FHL2: variants seen among roughly 807,000 people sequenced by gnomAD.
FHL2 encodes four and a half LIM domains protein 2.
A neutral mutation model predicts 32.7 loss-of-function variants in FHL2; 20 were observed. That is an observed-to-expected ratio of 0.61 (90% CI 0.43 to 0.89). FHL2 has a LOEUF of 0.89. Among genes scored for constraint, FHL2 ranks in the 40% least tolerant of loss-of-function variants. FHL2 has a pLI of 0.00. For synonymous variants in FHL2, 123 were observed against 128.1 expected (o/e 0.96, Z 0.27); for missense variants, 311 against 358.6 (o/e 0.87, Z 1.07).
chr2:105,431,527 C>G (rs1270585129), intron 1 of FHL2, among the ~76,000 whole-genome samples: 1 of 152,126 alleles, frequency 6.6e-6, no homozygotes, highest in Non-Finnish European at 1.5e-5. Context: ...TGCCCTGGGG[C>G]AGGGCAGTGC....
intron 1 of FHL2, among the ~76,000 whole-genome samples, chr2:105,406,107 G>A (rs1221524507): frequency 6.6e-6 from 1 of 152,192 alleles, no homozygotes; most frequent in Non-Finnish European, 1.5e-5. Flanking sequence ...TTGGACCTGG[G>A]AGTCATGACA....
chr2:105,403,377 T>A (rs1250772789), upstream of FHL2, among the ~76,000 whole-genome samples: 1 of 152,238 alleles, frequency 6.6e-6, no homozygotes, highest in Non-Finnish European at 1.5e-5. Flanking sequence ...ACGGTGACTG[T>A]GATCAGTTAT....
chr2:105,414,002 G>T (rs147094878), intron 1 of FHL2, among the ~76,000 whole-genome samples: 184 of 152,296 alleles, frequency 1.2e-3, no homozygotes, highest in African/African-American at 3.8e-3. Context: ...TTCAGATGCC[G>T]CTTGCAAATA....
intron 1 of FHL2, among the ~76,000 whole-genome samples, chr2:105,422,076 A>G (rs1181869660): frequency 4.6e-5 from 7 of 152,168 alleles, no homozygotes. Flanking sequence ...CCTTCCCCAC[A>G]TACATGCAAG....
At chr2:105,360,071 G>C (rs776701416), downstream of FHL2, 1 of 152,194 alleles carries the variant, frequency 6.6e-6, no homozygotes, top group Non-Finnish European at 1.5e-5. Context: ...TTGGGGGACC[G>C]AGGCAGGTGG....
At chr2:105,427,836 G>C (rs1013827437) in intron 1 of FHL2, among the ~76,000 whole-genome samples, 1 of 152,166 alleles carries the variant, frequency 6.6e-6, no homozygotes, top group East Asian at 1.9e-4. Flanking sequence ...CCGAGAACCA[G>C]CAGTTACACC....
intron 6 of FHL2, 37 bp downstream of exon 6, chr2:105,363,248 C>A: frequency 1.9e-6 from 3 of 1,606,902 alleles, no homozygotes; most frequent in African/African-American, 1.3e-5. Context: ...TTCAAGCTTC[C>A]AATCGCCCCT....
intron 1 of FHL2, among the ~76,000 whole-genome samples, chr2:105,432,304 C>G (rs1453116072): frequency 6.6e-6 from 1 of 152,336 alleles, no homozygotes; most frequent in Non-Finnish European, 1.5e-5. Context: ...GTCTCATGCA[C>G]TTTCCACATC....
chr2:105,425,023 T>C (rs1333713790), intron 1 of FHL2, among the ~76,000 whole-genome samples: 1 of 151,758 alleles, frequency 6.6e-6, no homozygotes, highest in Admixed American at 6.6e-5. Context: ...AGTATATATA[T>C]ATTGTAGGGA....
chr2:105,372,129 T>G (rs755353306), intron 4 of FHL2, among the ~76,000 whole-genome samples: 14 of 152,234 alleles, frequency 9.2e-5, no homozygotes, highest in Non-Finnish European at 1.9e-4. Context: ...TTTAAAGTTA[T>G]ATTAACCAGA....
upstream of FHL2, among the ~76,000 whole-genome samples, chr2:105,403,230 C>A (rs796637623): frequency 1.3e-5 from 2 of 152,296 alleles, no homozygotes; most frequent in South Asian, 2.1e-4. Context: ...ACTGAACTCC[C>A]ACCAGAAGAA....
intron 1 of FHL2, among the ~76,000 whole-genome samples, chr2:105,424,052 T>C (rs1412750604): frequency 6.6e-6 from 1 of 152,228 alleles, no homozygotes; most frequent in Admixed American, 6.5e-5. Flanking sequence ...AAAGAGCTTC[T>C]GAACAGTAAA....
chr2:105,399,673 G>T (rs1683391672), upstream of FHL2: 14 of 1,469,444 alleles, frequency 9.5e-6, no homozygotes, highest in South Asian at 1.5e-4. Context: ...AAAGTGAGCT[G>T]GGAGCGTGCC....
At position 105,367,202 on chromosome 2, in the gene FHL2, C is replaced by T. The variant is rs1246765954; in HGVS notation, c.501+368G>A. ...CTCCCTCTTCCTTCCATCTTTCTCTCCCTCTCAAGTTTGCAGTTGTTTTCT... is the reference window on the plus strand; with the variant it reads ...CTCCCTCTTCCTTCCATCTTTCTCTTCCTCTCAAGTTTGCAGTTGTTTTCT... On this transcript the variant is annotated intron_variant, in intron 5 of 6. Coordinates refer to ENST00000530340, the MANE Select transcript of FHL2 (RefSeq NM_001318895.3). Among the ~76,000 whole-genome samples, 3 of 152,356 alleles carry T rather than the reference C, an allele frequency of 2.0e-5. No individual in the cohort carries two copies. In the East Asian group the frequency reaches 5.8e-4, roughly 29 times the overall value.
intron 1 of FHL2, among the ~76,000 whole-genome samples, chr2:105,427,170 A>AG (rs1684293457): frequency 6.6e-6 from 1 of 152,242 alleles, no homozygotes; most frequent in Non-Finnish European, 1.5e-5. Context: ...ACCAGGAAGT[A>AG]CATTTTTTAC....
chr2:105,375,708 A>G (rs1681427119), intron 3 of FHL2: 1 of 152,146 alleles, frequency 6.6e-6, no homozygotes, highest in East Asian at 1.9e-4. Context: ...TGAGCCCAGC[A>G]CCTCTGGGTA....
intron 1 of FHL2, among the ~76,000 whole-genome samples, chr2:105,424,747 C>T (rs1175783213): frequency 2.0e-5 from 3 of 151,864 alleles, no homozygotes; most frequent in Admixed American, 6.6e-5. Context: ...GAAGCTGGAA[C>T]ATTCTCAGCA....
chr2:105,408,848 G>C (rs1255646591), intron 1 of FHL2, among the ~76,000 whole-genome samples: 1 of 152,168 alleles, frequency 6.6e-6, no homozygotes, highest in Non-Finnish European at 1.5e-5. Context: ...TTAGAGTCTT[G>C]AAAGATTACT....
intron 4 of FHL2, among the ~76,000 whole-genome samples, chr2:105,372,957 C>G (rs375151726): frequency 6.6e-6 from 1 of 152,150 alleles, no homozygotes; most frequent in Non-Finnish European, 1.5e-5. Flanking sequence ...ACAAATAACT[C>G]CCCCCACATA....
Sources: gnomAD v4.1 joint callset for allele counts (sites outside exome capture counted in the v4.1 genomes callset) on GRCh38, gnomAD v4.1.1 for gene constraint, MANE v1.5 for transcripts, NCBI Gene and HGNC (gene_info 2026-07-23, HGNC 2026-07-21) for gene names.